The following SLC24A2 variants were observed in gnomAD, a reference collection of about 807,000 sequenced individuals.
SLC24A2 encodes solute carrier family 24 member 2, also known as sodium/potassium/calcium exchanger 2.
SLC24A2 carries 36 observed loss-of-function variants against 62.0 expected under a neutral mutation model. The ratio of observed to expected loss-of-function variants is 0.58; its 90% CI spans 0.44 to 0.77. The LOEUF (loss-of-function observed/expected upper bound fraction) is 0.77. Ranked by LOEUF, SLC24A2 falls within the 30% of genes least tolerant of loss-of-function variation. The probability of loss-of-function intolerance (pLI) is 0.00; values close to 1 mark genes in which losing one functional copy is unlikely to be tolerated. For synonymous variants in SLC24A2, 358 were observed against 294.0 expected (o/e 1.22, Z -2.23); for missense variants, 846 against 817.9 (o/e 1.03, Z -0.42).
the SLC24A2 span, among the ~76,000 whole-genome samples, chr9:20,115,971 C>G: frequency 2.0e-5 from 3 of 152,104 alleles, no homozygotes; most frequent in South Asian, 2.1e-4. Context: ...ACTAAGGCTG[C>G]CAACTCACAA....
chr9:19,616,060 C>A (rs1366173594), intron 4 of SLC24A2, among the ~76,000 whole-genome samples: 1 of 150,574 alleles, frequency 6.6e-6, no homozygotes, highest in Non-Finnish European at 1.5e-5. Context: ...TTAAACATCT[C>A]TAGAAGGAGC....
the SLC24A2 span, among the ~76,000 whole-genome samples, chr9:20,031,147 TAC>T: frequency 4.0e-5 from 6 of 151,732 alleles, no homozygotes; most frequent in Middle Eastern, 3.4e-3. Flanking sequence ...TATATATGTA[TAC>T]ACACACATAT....
At chr9:19,975,686 A>T in the SLC24A2 span, among the ~76,000 whole-genome samples, 1 of 152,016 alleles carries the variant, frequency 6.6e-6, no homozygotes, top group Non-Finnish European at 1.5e-5. Context: ...TGATTGCTTT[A>T]TCTCTAAATC....
chr9:20,020,384 T>C, the SLC24A2 span, among the ~76,000 whole-genome samples: 1 of 152,174 alleles, frequency 6.6e-6, no homozygotes, highest in Non-Finnish European at 1.5e-5. Flanking sequence ...TGGAATATTA[T>C]GCAGCCCTAA....
chr9:19,965,662 C>T, the SLC24A2 span, among the ~76,000 whole-genome samples: 3 of 152,102 alleles, frequency 2.0e-5, no homozygotes, highest in Non-Finnish European at 4.4e-5. Context: ...AAAACAATTC[C>T]ATGGCAAAAT....
the SLC24A2 span, among the ~76,000 whole-genome samples, chr9:19,936,448 AT>A: frequency 1.3e-5 from 2 of 151,886 alleles, no homozygotes; most frequent in East Asian, 1.9e-4. Flanking sequence ...TAATTTTTGT[AT>A]TTTTTGCAGA....
At position 19,576,985 on chromosome 9, in the gene SLC24A2, G is replaced by T. The variant is rs760889415; in HGVS notation, c.1167C>A (p.Ile389=). 2.5e-6 allele frequency: 4 copies of T among 1,614,134 alleles called. No individual in the cohort carries two copies. Among genetic ancestry groups the T allele is most frequent in the African/African-American group, 2.7e-5 (2 of 75,036 alleles). Residue 389 remains isoleucine, a synonymous_variant, in exon 6 of 11, where the codon ATC becomes ATA. Coordinates refer to ENST00000341998, the MANE Select transcript of SLC24A2 (RefSeq NM_020344.4). Reference sequence around the variant, plus strand: ...CATCCACATGACATTTCTTCTTGGCGATCTTGTGGAGAATTGAAGCCTTTT... The same window carrying T: ...CATCCACATGACATTTCTTCTTGGCTATCTTGTGGAGAATTGAAGCCTTTT... ...FREKASILHK[I]AKKKCHVDEN...
chr9:19,648,343 T>G (rs1818702287), intron 2 of SLC24A2, among the ~76,000 whole-genome samples: 1 of 152,080 alleles, frequency 6.6e-6, no homozygotes, highest in Non-Finnish European at 1.5e-5. Flanking sequence ...TTCAGAGAGG[T>G]AGCAGGAGAT....
chr9:20,299,448 G>A, the SLC24A2 span, among the ~76,000 whole-genome samples: 1 of 152,218 alleles, frequency 6.6e-6, no homozygotes. Flanking sequence ...AGCCAAAGCA[G>A]CATCAATCAT....
At chr9:20,246,783 A>G in the SLC24A2 span, among the ~76,000 whole-genome samples, 5 of 152,238 alleles carry the variant, frequency 3.3e-5, no homozygotes, top group African/African-American at 7.2e-5. Context: ...AGCTAGGCAC[A>G]TGTATAGCCA....
the SLC24A2 span, among the ~76,000 whole-genome samples, chr9:20,263,258 T>G: frequency 6.6e-6 from 1 of 152,090 alleles, no homozygotes; most frequent in Non-Finnish European, 1.5e-5. Context: ...TTCTTTTTGG[T>G]GGAGGTGGGG....
chr9:19,580,085 G>C (rs1243842114), intron 5 of SLC24A2, among the ~76,000 whole-genome samples: 2 of 152,234 alleles, frequency 1.3e-5, no homozygotes, highest in Admixed American at 1.3e-4. Context: ...TGAACAGTAA[G>C]AGGGATTAGC....
At chr9:19,994,484 G>C in the SLC24A2 span, among the ~76,000 whole-genome samples, 12 of 152,152 alleles carry the variant, frequency 7.9e-5, no homozygotes, top group Non-Finnish European at 1.0e-4. Flanking sequence ...GCACCTGTGG[G>C]TCTAGCAGCT....
At chr9:19,823,859 A>G in the SLC24A2 span, among the ~76,000 whole-genome samples, 4 of 152,328 alleles carry the variant, frequency 2.6e-5, no homozygotes, top group South Asian at 8.3e-4. Context: ...GGCCTCAGAA[A>G]TAACACCACA....
At chr9:19,990,479 C>T in the SLC24A2 span, among the ~76,000 whole-genome samples, 5 of 151,638 alleles carry the variant, frequency 3.3e-5, no homozygotes, top group African/African-American at 4.8e-5. Flanking sequence ...GGCATGGTGG[C>T]GGGCACCTGT....
At chr9:20,013,799 T>C in the SLC24A2 span, among the ~76,000 whole-genome samples, 1 of 152,150 alleles carries the variant, frequency 6.6e-6, no homozygotes, top group Non-Finnish European at 1.5e-5. Context: ...AAAGAAAACA[T>C]TCAAATGGCC....
the SLC24A2 span, among the ~76,000 whole-genome samples, chr9:20,261,252 T>C: frequency 6.6e-6 from 1 of 152,124 alleles, no homozygotes; most frequent in East Asian, 1.9e-4. Context: ...CTGAGTTACT[T>C]CACCTAGAAT....
chr9:20,018,436 G>C, the SLC24A2 span, among the ~76,000 whole-genome samples: 2 of 152,134 alleles, frequency 1.3e-5, no homozygotes, highest in Admixed American at 6.5e-5. Context: ...AAACATTAGA[G>C]TGATCATCTC....
At chr9:19,816,031 G>C in the SLC24A2 span, among the ~76,000 whole-genome samples, 1 of 135,498 alleles carries the variant, frequency 7.4e-6, no homozygotes, top group African/African-American at 2.7e-5. Flanking sequence ...GCTTTTCCCA[G>C]GCTTACCTGG....
Sources: gnomAD v4.1 joint callset for allele counts (sites outside exome capture counted in the v4.1 genomes callset) on GRCh38, gnomAD v4.1.1 for gene constraint, MANE v1.5 for transcripts, NCBI Gene and HGNC (gene_info 2026-07-23, HGNC 2026-07-21) for gene names.